Variants in ENOX2 observed in about 807,000 individuals in gnomAD.
ENOX2 encodes the protein APK1 antigen.
In ENOX2, 36 loss-of-function variants were observed where a neutral mutation model predicts 45.0. That is an observed-to-expected ratio of 0.80 (90% CI 0.61 to 1.06). The LOEUF (loss-of-function observed/expected upper bound fraction) is 1.06, where lower values mean the gene tolerates loss of function less well. Ranked by LOEUF, ENOX2 falls within the 50% of genes least tolerant of loss-of-function variation. The probability of loss-of-function intolerance (pLI) is 0.00; values close to 1 mark genes in which losing one functional copy is unlikely to be tolerated. For synonymous variants in ENOX2, 174 were observed against 152.3 expected, an observed-to-expected ratio of 1.14 and a Z score of -1.05; for missense variants, 423 against 462.5, an observed-to-expected ratio of 0.91 and a Z score of 0.78.
At chrX:130,876,486 T>C (rs963265573) in intron 2 of ENOX2, among the ~76,000 whole-genome samples, 4 of 111,331 alleles carry the variant, frequency 3.6e-5, no homozygotes, top group Non-Finnish European at 7.5e-5. Flanking sequence ...GCTAAGGAGA[T>C]CTGGGTTTAC....
chrX:130,729,689 A>G lies in ENOX2; in HGVS notation c.-38-26435T>C, dbSNP rs183850351. The stretch of plus-strand genomic sequence containing the variant: ...ATACAAATTCATCTTTGTGATATTT[A>G]TGAAGCATTGGCTCACAACAAATTC... On this transcript the variant is annotated intron_variant, in intron 3 of 14. Coordinates refer to ENST00000394363, the MANE Select transcript of ENOX2 (RefSeq NM_006375.4). 3.6e-5 allele frequency among the ~76,000 whole-genome samples: 4 copies of G among 112,476 alleles called. No homozygotes were observed. In the East Asian group the frequency reaches 1.1e-3, roughly 31 times the overall value.
intron 2 of ENOX2, among the ~76,000 whole-genome samples, chrX:130,812,048 C>T (rs764241481): frequency 9.0e-6 from 1 of 111,322 alleles, no homozygotes; most frequent in Non-Finnish European, 1.9e-5. Context: ...ATAAAGGATG[C>T]GAGCTCACAG....
At chrX:130,738,571 A>C (rs767671232) in intron 3 of ENOX2, among the ~76,000 whole-genome samples, 2 of 112,029 alleles carry the variant, frequency 1.8e-5, no homozygotes, top group African/African-American at 3.2e-5. Flanking sequence ...ATAATCTCTA[A>C]GGGATCTTTC....
intron 3 of ENOX2, among the ~76,000 whole-genome samples, chrX:130,781,143 T>C (rs1024523967): frequency 8.9e-6 from 1 of 112,161 alleles, no homozygotes; most frequent in Non-Finnish European, 1.9e-5. Flanking sequence ...GTATAAATTA[T>C]ACAATTATAA....
intron 12 of ENOX2, among the ~76,000 whole-genome samples, chrX:130,632,773 G>A (rs927258623): frequency 1.8e-5 from 2 of 111,994 alleles, no homozygotes; most frequent in Non-Finnish European, 3.8e-5. Context: ...AGGCTTCCTG[G>A]CTGTAGTCAG....
chrX:130,887,675 G>T (rs1405904166), intron 2 of ENOX2, among the ~76,000 whole-genome samples: 1 of 111,861 alleles, frequency 8.9e-6, no homozygotes, highest in Non-Finnish European at 1.9e-5. Context: ...AGGTTGGAGA[G>T]CAGGTGGAGA....
At chrX:130,637,649 G>A (rs1226111887) in intron 10 of ENOX2, among the ~76,000 whole-genome samples, 1 of 111,289 alleles carries the variant, frequency 9.0e-6, no homozygotes, top group African/African-American at 3.3e-5. Context: ...AAGATATTTC[G>A]AGGTAGCATC....
chrX:130,793,097 T>C (rs769163129), intron 2 of ENOX2, among the ~76,000 whole-genome samples: 25 of 112,478 alleles, frequency 2.2e-4, no homozygotes, highest in African/African-American at 6.8e-4. Context: ...TGTTTCTGCA[T>C]TGTAAAATGG....
intron 6 of ENOX2, among the ~76,000 whole-genome samples, chrX:130,676,521 G>C (rs778267032): frequency 9.0e-5 from 10 of 111,237 alleles, no homozygotes; most frequent in Non-Finnish European, 1.9e-4. Flanking sequence ...TGTTAACAGA[G>C]AGCTGATTTT....
chrX:130,634,992 T>C lies in ENOX2; in HGVS notation c.1411A>G (p.Lys471Glu), dbSNP rs767185454. 1.4e-5 allele frequency: 16 copies of C among 1,149,375 alleles called. No individual in the cohort carries two copies. The highest frequency in any genetic ancestry group is 1.8e-5 in the African/African-American group (1 of 55,841). The allele number at this position is 1,149,375 out of a possible 1,213,427, so 94.7% of individuals were successfully genotyped here. A position where few individuals can be genotyped will look rare whatever the true frequency, so the allele number is the denominator to read the frequency against. The change falls in exon 12 of 15, where the codon AAA becomes GAA. Residue 471 changes from lysine to glutamate, a missense_variant. Lys to Glu is a moderately conservative substitution (Grantham distance 56). This residue lies in a region of ENOX2 where 108 missense variants were observed against 70.6 expected (regional missense o/e 1.53). Coordinates refer to ENST00000394363, the MANE Select transcript of ENOX2 (RefSeq NM_006375.4). ...LQVEKMLENLKEKESCASRLC... is the reference protein window; with the variant it reads ...LQVEKMLENLEEKESCASRLC... Reference sequence around the variant, plus strand: ...ACTTAGGGTGCATGTACCTTTTCTTTAAGATTTTCCAACATTTTTTCCACC... The same window carrying C: ...ACTTAGGGTGCATGTACCTTTTCTTCAAGATTTTCCAACATTTTTTCCACC...
At chrX:130,830,717 A>G (rs1165568961) in intron 2 of ENOX2, among the ~76,000 whole-genome samples, 1 of 111,682 alleles carries the variant, frequency 9.0e-6, no homozygotes, top group East Asian at 2.8e-4. Context: ...TATAATTCTA[A>G]AATACATCTT....
intron 10 of ENOX2, among the ~76,000 whole-genome samples, chrX:130,646,499 C>T (rs1042707162): frequency 8.9e-6 from 1 of 112,484 alleles, no homozygotes; most frequent in Admixed American, 9.4e-5. Context: ...TCATTCACGA[C>T]CTGGGCTTAC....
At chrX:130,711,881 T>C (rs1016256765) in intron 3 of ENOX2, among the ~76,000 whole-genome samples, 1 of 111,358 alleles carries the variant, frequency 9.0e-6, no homozygotes, top group Non-Finnish European at 1.9e-5. Flanking sequence ...CAGATGGCAA[T>C]TGTAGTGAGG....
intron 2 of ENOX2, among the ~76,000 whole-genome samples, chrX:130,862,581 G>C (rs1294585487): frequency 9.1e-6 from 1 of 110,390 alleles, no homozygotes; most frequent in Non-Finnish European, 1.9e-5. Flanking sequence ...GTGTGTGAGA[G>C]GGGTGGGTGT....
At position 130,667,726 on chromosome X, in the gene ENOX2, T is replaced by C; in HGVS notation, c.711A>G (p.Ser237=). ...AEKLKDDSKF[S]EAVQTLLTWI... is the part of the protein sequence containing the mutation. Reference sequence around the variant, plus strand: ...AGGTAAGCAAGGTCTGTACAGCTTCTGAGAATTTGGAATCATCTGAAAAAA... The same window carrying C: ...AGGTAAGCAAGGTCTGTACAGCTTCCGAGAATTTGGAATCATCTGAAAAAA... The change falls in exon 8 of 15, where the codon TCA becomes TCG. Residue 237 remains serine (S), a synonymous_variant. Coordinates refer to ENST00000394363, the MANE Select transcript of ENOX2 (RefSeq NM_006375.4). 1 of 1,194,975 alleles carries C rather than the reference T, an allele frequency of 8.4e-7. No individual in the cohort carries two copies. The highest frequency in any genetic ancestry group is 1.1e-6 in the Non-Finnish European group (1 of 884,229).
chrX:130,661,952 A>G (rs2036702647), intron 9 of ENOX2, among the ~76,000 whole-genome samples: 2 of 112,280 alleles, frequency 1.8e-5, no homozygotes, highest in Non-Finnish European at 3.8e-5. Context: ...GGAGGATATA[A>G]GAGGATATCT....
chrX:130,830,922 G>A (rs1288970935), intron 2 of ENOX2, among the ~76,000 whole-genome samples: 1 of 111,522 alleles, frequency 9.0e-6, no homozygotes, highest in African/African-American at 3.3e-5. Context: ...AACACAAACT[G>A]GGTAATTTAT....
intron 2 of ENOX2, among the ~76,000 whole-genome samples, chrX:130,818,614 T>C (rs2077534484): frequency 9.0e-6 from 1 of 111,680 alleles, no homozygotes; most frequent in Non-Finnish European, 1.9e-5. Flanking sequence ...AACCATCTGA[T>C]TGTTGACAAA....
intron 3 of ENOX2, among the ~76,000 whole-genome samples, chrX:130,751,865 T>C (rs1299318452): frequency 8.9e-6 from 1 of 112,397 alleles, no homozygotes; most frequent in Non-Finnish European, 1.9e-5. Flanking sequence ...ATATCTTCTT[T>C]GGAGAAATGT....
Sources: gnomAD v4.1 joint callset for allele counts (sites outside exome capture counted in the v4.1 genomes callset) on GRCh38, gnomAD v4.1.1 for gene constraint, gnomAD v4.1.1 regional missense constraint, MANE v1.5 for transcripts, NCBI Gene and HGNC (gene_info 2026-07-23, HGNC 2026-07-21) for gene names.